The following DBT variants were observed in gnomAD, a reference collection of about 807,000 sequenced individuals.
DBT encodes dihydrolipoamide branched chain transacylase E2.
DBT carries 40 observed loss-of-function variants against 51.3 expected under a neutral mutation model. That is an observed-to-expected ratio of 0.78 (90% CI 0.61 to 1.02). DBT has a LOEUF of 1.02. Among genes scored for constraint, DBT ranks in the 50% least tolerant of loss-of-function variants. The pLI, the probability that DBT is intolerant of heterozygous loss-of-function variation, is 0.00. For synonymous variants in DBT, 181 were observed against 190.4 expected (o/e 0.95, Z 0.41); for missense variants, 510 against 580.2 (o/e 0.88, Z 1.24).
At chr1:100,205,288 G>A (rs1006369973) in intron 10 of DBT, among the ~76,000 whole-genome samples, 3 of 152,002 alleles carry the variant, frequency 2.0e-5, no homozygotes, top group African/African-American at 4.8e-5. Flanking sequence ...TCATAAAGTG[G>A]GCGAAGGATA....
chr1:100,204,141 T>C (rs1661618874), intron 10 of DBT, among the ~76,000 whole-genome samples: 2 of 152,222 alleles, frequency 1.3e-5, no homozygotes, highest in African/African-American at 4.8e-5. Flanking sequence ...GCATATTCTA[T>C]AGGAAGAGAG....
At chr1:100,201,870 C>A (rs151244333) in intron 10 of DBT, among the ~76,000 whole-genome samples, 4,448 of 152,238 alleles carry the variant, frequency 0.029, 93 homozygotes, top group South Asian at 0.052. Flanking sequence ...GATTTTGTCA[C>A]CACCAGGCCT....
chr1:100,196,782 T>C (rs1264494183), intron 10 of DBT: 1 of 221,276 alleles, frequency 4.5e-6, no homozygotes, highest in African/African-American at 2.3e-5. Context: ...GACAATTAAA[T>C]AAGGCTTCCT....
chr1:100,237,558 C>T (rs868593053), intron 2 of DBT, among the ~76,000 whole-genome samples: 1 of 151,854 alleles, frequency 6.6e-6, no homozygotes, highest in Non-Finnish European at 1.5e-5. Context: ...TAGATGGGGT[C>T]GGGGAGTGGG....
intron 10 of DBT, among the ~76,000 whole-genome samples, chr1:100,198,764 A>G (rs1661255337): frequency 6.6e-6 from 1 of 152,086 alleles, no homozygotes; most frequent in South Asian, 2.1e-4. Context: ...GCCAGAAGGG[A>G]AAGTGGATGC....
chr1:100,231,279 A>G (rs979535233), intron 3 of DBT, among the ~76,000 whole-genome samples: 13 of 152,194 alleles, frequency 8.5e-5, no homozygotes, highest in African/African-American at 3.1e-4. Flanking sequence ...GGGATGCCCA[A>G]TACTTCCAGA....
chr1:100,213,966 A>AAG (rs1553230541), intron 7 of DBT, among the ~76,000 whole-genome samples: 2,730 of 135,678 alleles, frequency 0.02, 164 homozygotes, highest in South Asian at 0.045. Flanking sequence ...AAAAAAAAAA[A>AAG]AGAGAGAGAT....
Position 100,243,452 on chromosome 1 carries a change from C to T in DBT, c.52-2568G>A, listed in dbSNP as rs958286475. 3.3e-5 allele frequency among the ~76,000 whole-genome samples: 5 copies of T among 151,836 alleles called. No individual in the cohort carries two copies. The East Asian group carries it at 9.9e-4, about 30-fold the overall frequency. ...GCCTCAGCCTCCCAAGTAGCTGGGA[C>T]TACAGGCATGTGCCATCATGTCCAG... On this transcript the variant is annotated intron_variant, in intron 1 of 10. Transcript: ENST00000370132.
intron 10 of DBT, among the ~76,000 whole-genome samples, chr1:100,199,519 C>T (rs997846177): frequency 2.0e-5 from 3 of 152,190 alleles, no homozygotes; most frequent in Non-Finnish European, 4.4e-5. Context: ...CAACCCAGAT[C>T]GCCACCATTT....
At position 100,193,646 on chromosome 1, in the gene DBT, C is replaced by G. The variant is rs1570793828; in HGVS notation, c.*2609G>C. ...TTAGAGACAGAGTCTCGCTCTATCA[C>G]CAGGCTGGAGTGCAGTGGCTCAATC... On this transcript the variant is annotated 3_prime_UTR_variant, in exon 11 of 11. Coordinates refer to ENST00000370132, the MANE Select transcript of DBT (RefSeq NM_001918.5). The G allele has an allele frequency of 6.6e-6, 1 of 152,312 alleles. No homozygotes were observed. Among genetic ancestry groups the G allele is most frequent in the East Asian group, 1.9e-4 (1 of 5,188 alleles). 9.4% of individuals were successfully genotyped at this position (152,312 alleles called of 1,614,324 possible).
chr1:100,225,287 G>C (rs922405291), intron 4 of DBT, among the ~76,000 whole-genome samples: 2 of 151,616 alleles, frequency 1.3e-5, no homozygotes, highest in Non-Finnish European at 2.9e-5. Flanking sequence ...GATTAGTTTG[G>C]ATTTTCTAAA....
chr1:100,246,503 A>G (rs375633918), intron 1 of DBT, among the ~76,000 whole-genome samples: 140 of 152,348 alleles, frequency 9.2e-4, no homozygotes, highest in African/African-American at 3.2e-3. Flanking sequence ...GACAGACACA[A>G]CAGAAAAATT....
chr1:100,212,578 A>G (rs368671484), intron 7 of DBT, among the ~76,000 whole-genome samples: 1 of 152,202 alleles, frequency 6.6e-6, no homozygotes, highest in Non-Finnish European at 1.5e-5. Flanking sequence ...GAGATAAAGA[A>G]GAATAGTTTC....
In DBT at chr1:100,196,383, C is replaced by T; in HGVS notation, c.1321G>A (p.Ala441Thr). Residue 441 changes from alanine to threonine, a missense_variant, in exon 11 of 11, where the codon GCA becomes ACA. Physicochemically the swap from Ala to Thr is moderately conservative, Grantham distance 58. Coordinates refer to ENST00000370132, the MANE Select transcript of DBT (RefSeq NM_001918.5). ...RFNQKGEVYK[A>T]QIMNVSWSAD... Reference sequence around the variant, plus strand: ...GACCAGCTCACATTCATTATCTGTGCCTTATATACTTCTCCTTTCTGGTTA... The same window carrying T: ...GACCAGCTCACATTCATTATCTGTGTCTTATATACTTCTCCTTTCTGGTTA... The T allele has an allele frequency of 1.3e-6, 2 of 1,582,692 alleles. No individual in the cohort carries two copies. The highest frequency in any genetic ancestry group is 1.7e-6 in the Non-Finnish European group (2 of 1,167,078).
chr1:100,194,032 G>A lies in DBT; in HGVS notation c.*2223C>T, dbSNP rs559177599. 3 of 152,270 alleles carry A rather than the reference G, an allele frequency of 2.0e-5. No individual in the cohort carries two copies. Among genetic ancestry groups the A allele is most frequent in the African/African-American group, 7.2e-5 (3 of 41,548 alleles). The allele number at this position is 152,270 out of a possible 1,614,324, so 9.4% of individuals were successfully genotyped here. A position where few individuals can be genotyped will look rare whatever the true frequency, so the allele number is the denominator to read the frequency against. On this transcript the variant is annotated 3_prime_UTR_variant, in exon 11 of 11. Transcript: ENST00000370132. Reference sequence around the variant, plus strand: ...GCTATGATCATGTTTTAACAAAAAAGAATAGCCATACATACAGATAGATAC... The same window carrying A: ...GCTATGATCATGTTTTAACAAAAAAAAATAGCCATACATACAGATAGATAC...
chr1:100,237,423 G>A (rs1451432319), intron 2 of DBT, among the ~76,000 whole-genome samples: 2 of 152,138 alleles, frequency 1.3e-5, no homozygotes, highest in Non-Finnish European at 2.9e-5. Context: ...GTTGCTTTAA[G>A]CCACTAAGTT....
At chr1:100,208,734 CAA>C (rs76108047) in intron 8 of DBT, among the ~76,000 whole-genome samples, 16 of 106,812 alleles carry the variant, frequency 1.5e-4, no homozygotes, top group Admixed American at 2.0e-4. Context: ...CCCATTTCTA[CAA>C]AAAAAAAAAA....
At chr1:100,246,320 G>C (rs1314889169) in intron 1 of DBT, among the ~76,000 whole-genome samples, 1 of 152,096 alleles carries the variant, frequency 6.6e-6, no homozygotes, top group Non-Finnish European at 1.5e-5. Flanking sequence ...AACATAAAGG[G>C]AAATGAAACT....
rs768583710 is a variant in DBT, at chr1:100,218,708, TG to T, written c.472del (p.His158MetfsTer9). ...EDVVETPAVS[H>X]DEHTHQEIKG... Reference sequence around the variant, plus strand: ...TATCTCTTGGTGTGTATGTTCATCATGAGACACTGCAGGAGTTTCAACAACA... The same window carrying T: ...TATCTCTTGGTGTGTATGTTCATCATAGACACTGCAGGAGTTTCAACAACA... On this transcript the variant is annotated frameshift_variant, in exon 5 of 11. Coordinates refer to ENST00000370132, the MANE Select transcript of DBT (RefSeq NM_001918.5). LOFTEE classifies it high-confidence loss of function. The T allele has an allele frequency of 6.2e-7, 1 of 1,613,738 alleles. No homozygotes were observed.
Sources: gnomAD v4.1 joint callset for allele counts (sites outside exome capture counted in the v4.1 genomes callset) on GRCh38, gnomAD v4.1.1 for gene constraint, MANE v1.5 for transcripts, NCBI Gene and HGNC (gene_info 2026-07-23, HGNC 2026-07-21) for gene names.